Variants in CFTR observed in about 807,000 individuals in gnomAD.
CFTR encodes the protein cystic fibrosis transmembrane conductance regulator.
In CFTR, 181 loss-of-function variants were observed where a neutral mutation model predicts 171.6. The ratio of observed to expected loss-of-function variants is 1.05; its 90% confidence interval spans 0.93 to 1.19. The LOEUF is 1.19. Ranked by LOEUF, CFTR falls within the 50% of genes most tolerant of loss-of-function variation. The pLI is 0.00. For synonymous variants in CFTR, 583 were observed against 608.0 expected (o/e 0.96, Z 0.60); for missense variants, 1,968 against 1,734.7 (o/e 1.13, Z -2.39).
At chr7:117,664,593 CAT>C in intron 24 of CFTR, 93 bp from the exon 25 acceptor site, 1 of 1,182,596 alleles carries the variant, frequency 8.5e-7, no homozygotes, top group Admixed American at 1.7e-5. Context: ...GTATGAAAAA[CAT>C]AAGCTTTCAG....
chr7:117,642,636 A>G, intron 23 of CFTR, 43 bp downstream of exon 23: 1 of 1,588,630 alleles, frequency 6.3e-7, no homozygotes, highest in Non-Finnish European at 8.6e-7. Context: ...ACTAAATTAT[A>G]TTTTTTACTG....
chr7:117,589,282 A>G lies in CFTR; in HGVS notation c.1680-1071A>G, dbSNP rs213964. Reference sequence around the variant, plus strand: ...GGGATCCATTATGTAGCTCTTGCATACTGTCTTCAAAAATAAGTTACACTA... The same window carrying G: ...GGGATCCATTATGTAGCTCTTGCATGCTGTCTTCAAAAATAAGTTACACTA... On this transcript the variant is annotated intron_variant, in intron 12 of 26. Coordinates refer to ENST00000003084, the MANE Select transcript of CFTR (RefSeq NM_000492.4). 0.54 allele frequency among the ~76,000 whole-genome samples: 82,625 copies of G among 151,758 alleles called. 25,178 individuals are homozygous for G. Among genetic ancestry groups the G allele is most frequent in the African/African-American group, 0.83 (34,606 of 41,460 alleles).
At chr7:117,489,166 ATACTG>A (rs1441950662) in intron 1 of CFTR, among the ~76,000 whole-genome samples, 8 of 152,098 alleles carry the variant, frequency 5.3e-5, no homozygotes, top group African/African-American at 1.9e-4. Flanking sequence ...CCTTGAAATT[ATACTG>A]CCTGTCCTAC....
intron 4 of CFTR, among the ~76,000 whole-genome samples, chr7:117,534,054 C>T (rs1242591108): frequency 2.6e-5 from 4 of 151,958 alleles, no homozygotes; most frequent in Non-Finnish European, 5.9e-5. Context: ...TGCCTAGATG[C>T]TGGGAAATAA....
At chr7:117,522,482 C>T (rs1046440309) in intron 3 of CFTR, among the ~76,000 whole-genome samples, 3 of 152,202 alleles carry the variant, frequency 2.0e-5, no homozygotes, top group South Asian at 4.1e-4. Context: ...TTCACCATCA[C>T]GCTGGCTTAC....
chr7:117,482,867 C>T (rs974090066), intron 1 of CFTR, among the ~76,000 whole-genome samples: 4 of 152,098 alleles, frequency 2.6e-5, no homozygotes, highest in Non-Finnish European at 4.4e-5. Flanking sequence ...CTTGAATTTT[C>T]GTCGTGATAT....
intron 25 of CFTR, among the ~76,000 whole-genome samples, chr7:117,665,083 C>T (rs188263958): frequency 9.2e-5 from 14 of 152,310 alleles, no homozygotes; most frequent in Non-Finnish European, 1.8e-4. Context: ...ACAAACTCTT[C>T]CCCCTTGTCA....
rs28645294 is a variant in CFTR, at chr7:117,513,311, C to G, written c.273+4169C>G. Among the ~76,000 whole-genome samples the G allele has an allele frequency of 5.1e-3, 779 of 151,742 alleles. 9 individuals are homozygous for G. Among genetic ancestry groups the G allele is most frequent in the African/African-American group, 0.017 (719 of 41,358 alleles). ...GTTATGAGAAGGAGAAAGGAAGAGA[C>G]TTGGGTAGCAAAGGGGGTCTTGTTT... On this transcript the variant is annotated intron_variant, in intron 3 of 26. Transcript: ENST00000003084.
rs768301278 is a variant in CFTR at position 117,592,480 on chromosome 7, C to T, written c.2313C>T (p.Asn771=). The change falls in exon 14 of 27, where the codon AAC becomes AAT. Residue 771 remains asparagine, a synonymous_variant. Transcript: ENST00000003084. Reference sequence around the variant, plus strand: ...CACGAAGGAGGCAGTCTGTCCTGAACCTGATGACACACTCAGTTAACCAAG... The same window carrying T: ...CACGAAGGAGGCAGTCTGTCCTGAATCTGATGACACACTCAGTTAACCAAG... The part of the protein sequence containing the change: ...LQARRRQSVL[N]LMTHSVNQGQ... 1 of 1,554,814 alleles carries T rather than the reference C, an allele frequency of 6.4e-7. No individual in the cohort carries two copies. Among genetic ancestry groups the T allele is most frequent in the Non-Finnish European group, 8.7e-7 (1 of 1,153,080 alleles).
intron 21 of CFTR, among the ~76,000 whole-genome samples, chr7:117,615,754 G>C (rs1792477500): frequency 6.6e-6 from 1 of 151,834 alleles, no homozygotes; most frequent in African/African-American, 2.4e-5. Context: ...TAAAGGAAAT[G>C]ATGCACATTT....
At chr7:117,535,525 A>ATTTTTTTT (rs764945997) in intron 6 of CFTR, 114 bp downstream of exon 6, 4 of 500,400 alleles carry the variant, frequency 8.0e-6, no homozygotes, top group African/African-American at 7.5e-5. Flanking sequence ...GTGTCATTAA[A>ATTTTTTTT]TTTTTTTTTT....
intron 18 of CFTR, among the ~76,000 whole-genome samples, chr7:117,609,141 C>G (rs1045093327): frequency 2.6e-5 from 4 of 152,098 alleles, no homozygotes; most frequent in Non-Finnish European, 2.9e-5. Context: ...ATTTTGATAC[C>G]TCATGTAATC....
At chr7:117,574,455 A>G (rs1390951221) in intron 11 of CFTR, among the ~76,000 whole-genome samples, 2 of 152,110 alleles carry the variant, frequency 1.3e-5, no homozygotes, top group Non-Finnish European at 2.9e-5. Flanking sequence ...ATTTCTCTTT[A>G]TATAAATGTT....
chr7:117,613,658 GC>G (rs1792438318), intron 20 of CFTR, among the ~76,000 whole-genome samples: 1 of 151,990 alleles, frequency 6.6e-6, no homozygotes, highest in Non-Finnish European at 1.5e-5. Context: ...GATAAATCTT[GC>G]CTATATGAAA....
intron 1 of CFTR, among the ~76,000 whole-genome samples, chr7:117,480,535 G>T (rs1797985625): frequency 6.6e-6 from 1 of 152,122 alleles, no homozygotes; most frequent in Non-Finnish European, 1.5e-5. Flanking sequence ...GGCACATACA[G>T]GTGCCATGCC....
intron 22 of CFTR, among the ~76,000 whole-genome samples, chr7:117,634,068 T>C (rs1244316837): frequency 6.6e-6 from 1 of 152,112 alleles, no homozygotes; most frequent in Non-Finnish European, 1.5e-5. Context: ...AGAGAATTAG[T>C]AAAATTCCTA....
At position 117,668,172 on chromosome 7, in the gene CFTR, T is replaced by A. The variant is rs1793417628; in HGVS notation, c.*1064T>A. 1 of 152,218 alleles carries A rather than the reference T, an allele frequency of 6.6e-6. No homozygotes were observed. The highest frequency in any genetic ancestry group is 1.5e-5 in the Non-Finnish European group (1 of 68,042). 9.4% of individuals were successfully genotyped at this position (152,218 alleles called of 1,614,324 possible). ...AGACACACTGAAGAAGCACCAATCA[T>A]GAATTAGTTTTATATGCTTCTGTTT... is the stretch of plus-strand genomic sequence containing the variant. On this transcript the variant is annotated 3_prime_UTR_variant, in exon 27 of 27. Coordinates refer to ENST00000003084, the MANE Select transcript of CFTR (RefSeq NM_000492.4).
At chr7:117,554,199 A>C (rs985752596) in intron 10 of CFTR, among the ~76,000 whole-genome samples, 24 of 152,100 alleles carry the variant, frequency 1.6e-4, no homozygotes, top group African/African-American at 5.8e-4. Context: ...ATGAGTTAGG[A>C]GTCTATTGTG....
intron 11 of CFTR, among the ~76,000 whole-genome samples, chr7:117,561,997 G>C (rs1225077167): frequency 6.6e-6 from 1 of 152,166 alleles, no homozygotes; most frequent in Non-Finnish European, 1.5e-5. Context: ...AGATTAGATT[G>C]ATGTGAAGAA....
Sources: allele counts gnomAD v4.1 joint callset (sites outside exome capture counted in the v4.1 genomes callset), GRCh38; gene constraint gnomAD v4.1.1; transcripts MANE v1.5; gene names NCBI Gene and HGNC (gene_info 2026-07-23, HGNC 2026-07-21).